Variants in CHST8 observed in about 807,000 individuals in gnomAD.
CHST8 encodes carbohydrate sulfotransferase 8.
CHST8 carries 10 observed loss-of-function variants against 15.0 expected under a neutral mutation model. The ratio of observed to expected loss-of-function variants is 0.67; its 90% CI spans 0.41 to 1.13. CHST8 has a LOEUF of 1.13. Ranked by LOEUF, CHST8 falls within the 50% of genes most tolerant of loss-of-function variation. CHST8 has a pLI of 0.00. For synonymous variants in CHST8, 259 were observed against 256.6 expected (o/e 1.01, Z -0.09); for missense variants, 634 against 608.2 (o/e 1.04, Z -0.45).
At chr19:33,744,070 C>A (rs1273112247) in intron 3 of CHST8, among the ~76,000 whole-genome samples, 1 of 152,218 alleles carries the variant, frequency 6.6e-6, no homozygotes, top group Non-Finnish European at 1.5e-5. Context: ...GGATTACAGG[C>A]ATGAGCCCCC....
intron 3 of CHST8, among the ~76,000 whole-genome samples, chr19:33,710,876 T>TTTTTTG (rs536594466): frequency 1.2e-3 from 179 of 151,386 alleles, no homozygotes; most frequent in African/African-American, 3.6e-3. Context: ...TCTGGAGTTT[T>TTTTTTG]TTTTTTTTTT....
intron 3 of CHST8, among the ~76,000 whole-genome samples, chr19:33,757,446 GAAAGAA>G (rs1974583778): frequency 3.7e-5 from 1 of 27,102 alleles, no homozygotes. Context: ...AAGAAAGAAA[GAAAGAA>G]AGAAAGAAAG....
intron 1 of CHST8, among the ~76,000 whole-genome samples, chr19:33,650,855 T>C (rs1600237322): frequency 2.0e-5 from 3 of 152,172 alleles, no homozygotes; most frequent in South Asian, 2.1e-4. Context: ...ACTACAGGCA[T>C]GTGCCACCAT....
chr19:33,744,331 G>A (rs1974268509), intron 3 of CHST8: 2 of 152,208 alleles, frequency 1.3e-5, no homozygotes, highest in African/African-American at 4.8e-5. Context: ...TATGTTGCAG[G>A]ACAGAGACCT....
chr19:33,763,868 G>C lies in CHST8; in HGVS notation c.131-7545G>C, dbSNP rs541625314. Among the ~76,000 whole-genome samples the C allele has an allele frequency of 1.8e-4, 28 of 152,276 alleles. No homozygotes were observed. In the South Asian group the frequency reaches 3.7e-3, roughly 20 times the overall value. Reference sequence around the variant, plus strand: ...ACCTCACAAGGGCAGAGCCTGAGCCGGTGGGAGAGGAGCCAGAGAAGGTGT... The same window carrying C: ...ACCTCACAAGGGCAGAGCCTGAGCCCGTGGGAGAGGAGCCAGAGAAGGTGT... On this transcript the variant is annotated intron_variant, in intron 3 of 4. Coordinates refer to ENST00000650847, the MANE Select transcript of CHST8 (RefSeq NM_001127895.2).
chr19:33,766,249 T>C lies in CHST8; in HGVS notation c.131-5164T>C, dbSNP rs111300744. ...TCCCTTCCCTCTCTCTTTCTCTCCG[T>C]CTCTTTCCCGCCTCCATATATATCA... On this transcript the variant is annotated intron_variant, in intron 3 of 4. Transcript: ENST00000650847. Among the ~76,000 whole-genome samples the C allele has an allele frequency of 3.3e-3, 509 of 151,948 alleles. 2 individuals are homozygous for C. The highest frequency in any genetic ancestry group is 0.01 in the African/African-American group (428 of 41,402).
chr19:33,652,201 A>G (rs1453555825), intron 1 of CHST8, among the ~76,000 whole-genome samples: 1 of 151,756 alleles, frequency 6.6e-6, no homozygotes, highest in Non-Finnish European at 1.5e-5. Context: ...CTTACATTCT[A>G]TTTTACCATA....
chr19:33,660,975 C>G (rs1054241521), intron 1 of CHST8, among the ~76,000 whole-genome samples: 1 of 152,158 alleles, frequency 6.6e-6, no homozygotes, highest in Admixed American at 6.5e-5. Context: ...TCACTAGTAG[C>G]CTGGCCTGTG....
At position 33,622,079 on chromosome 19, in the gene CHST8, G is replaced by A. The variant is rs111308825; in HGVS notation, c.-381G>A. On this transcript the variant is annotated 5_prime_UTR_variant, in exon 1 of 5. Transcript: ENST00000650847. Reference sequence around the variant, plus strand: ...GCGCCGGGGGCCGAAGAGGAACGCCGCCCCGCGCCCTCTCGCTCCCCGCAC... The same window carrying A: ...GCGCCGGGGGCCGAAGAGGAACGCCACCCCGCGCCCTCTCGCTCCCCGCAC... 0.099 allele frequency: 15,082 copies of A among 151,786 alleles called. 939 individuals are homozygous for A. The highest frequency in any genetic ancestry group is 0.19 in the East Asian group (963 of 5,064). The allele number at this position is 151,786 out of a possible 1,614,324, so 9.4% of individuals were successfully genotyped here. A position where few individuals can be genotyped will look rare whatever the true frequency, so the allele number is the denominator to read the frequency against.
chr19:33,677,139 C>A (rs1972820152), intron 2 of CHST8, among the ~76,000 whole-genome samples: 1 of 146,966 alleles, frequency 6.8e-6, no homozygotes, highest in Non-Finnish European at 1.5e-5. Context: ...CTCCAGCAAC[C>A]CCTTGTGTGA....
intron 1 of CHST8, among the ~76,000 whole-genome samples, chr19:33,643,720 C>T (rs1047841725): frequency 2.0e-5 from 3 of 152,104 alleles, no homozygotes; most frequent in African/African-American, 7.2e-5. Context: ...AGCTTAGGAG[C>T]GCATTTCTAG....
rs80317188 is a variant in CHST8, at chr19:33,656,415, G to A, written c.-163-11352G>A. 8.0e-3 allele frequency among the ~76,000 whole-genome samples: 1,224 copies of A among 152,330 alleles called. 13 individuals are homozygous for A. Among genetic ancestry groups the A allele is most frequent in the African/African-American group, 0.028 (1,181 of 41,572 alleles). The stretch of plus-strand genomic sequence containing the variant: ...AGTACATCTTAGAATGTGTGAAATA[G>A]GGAGATTATTTGTCCATCAGTGTGA... On this transcript the variant is annotated intron_variant, in intron 1 of 4. Coordinates refer to ENST00000650847, the MANE Select transcript of CHST8 (RefSeq NM_001127895.2).
At chr19:33,730,198 G>A (rs989435351) in intron 3 of CHST8, among the ~76,000 whole-genome samples, 2 of 152,258 alleles carry the variant, frequency 1.3e-5, no homozygotes, top group East Asian at 1.9e-4. Context: ...AGAACCCGGC[G>A]TGCAATTCTT....
intron 3 of CHST8, among the ~76,000 whole-genome samples, chr19:33,706,286 A>G (rs1973445031): frequency 6.6e-6 from 1 of 152,102 alleles, no homozygotes; most frequent in African/African-American, 2.4e-5. Flanking sequence ...CACAGCAGAC[A>G]TGTTCTGGTT....
intron 1 of CHST8, among the ~76,000 whole-genome samples, chr19:33,650,016 T>C (rs149444976): frequency 7.4e-4 from 112 of 152,304 alleles, no homozygotes; most frequent in African/African-American, 2.6e-3. Context: ...TATCCTTGCC[T>C]GGCATGGCCT....
chr19:33,767,749 G>A (rs1974880285), intron 3 of CHST8, among the ~76,000 whole-genome samples: 1 of 152,222 alleles, frequency 6.6e-6, no homozygotes, highest in Non-Finnish European at 1.5e-5. Context: ...GGGTGTGCGT[G>A]GTTGGTCTTG....
rs546814345 is a variant in CHST8, at chr19:33,716,769, G to C, written c.130+27378G>C. Among the ~76,000 whole-genome samples, 10 of 152,288 alleles carry C rather than the reference G, an allele frequency of 6.6e-5. No homozygotes were observed. The South Asian group carries it at 2.1e-3, about 32-fold the overall frequency. ...CCAAGGGAGAATCATTAGTTGGCTA[G>C]GGTTGCTGTAGCAAAGTATTATGGA... On this transcript the variant is annotated intron_variant, in intron 3 of 4. Coordinates refer to ENST00000650847, the MANE Select transcript of CHST8 (RefSeq NM_001127895.2).
intron 3 of CHST8, among the ~76,000 whole-genome samples, chr19:33,695,821 C>CTTTTTTTTTTTT (rs55695414): frequency 5.9e-4 from 45 of 76,200 alleles, no homozygotes; most frequent in Non-Finnish European, 8.3e-4. Flanking sequence ...TTCTTTCTTT[C>CTTTTTTTTTTTT]TTTTTTTTTT....
chr19:33,648,609 T>A (rs1972386372), intron 1 of CHST8, among the ~76,000 whole-genome samples: 1 of 152,188 alleles, frequency 6.6e-6, no homozygotes, highest in Admixed American at 6.5e-5. Context: ...GCGTGGTGGC[T>A]CATGCCTATA....
Sources: gnomAD v4.1 joint callset for allele counts (sites outside exome capture counted in the v4.1 genomes callset) on GRCh38, gnomAD v4.1.1 for gene constraint, MANE v1.5 for transcripts, NCBI Gene and HGNC (gene_info 2026-07-23, HGNC 2026-07-21) for gene names.